RMND5A: variants seen among roughly 807,000 people sequenced by gnomAD.
RMND5A encodes required for meiotic nuclear division 5 homolog A, also known as E3 ubiquitin-protein transferase RMND5A.
Under a neutral mutation model 49.7 loss-of-function variants are expected in RMND5A, and 17 were observed. The ratio of observed to expected loss-of-function variants is 0.34; its 90% CI spans 0.23 to 0.51. RMND5A has a LOEUF of 0.51. RMND5A is among the 20% of genes least tolerant of loss of function. RMND5A has a pLI of 0.96. For synonymous variants in RMND5A, 156 were observed against 167.7 expected (o/e 0.93, Z 0.54); for missense variants, 255 against 471.3 (o/e 0.54, Z 4.25).
intron 2 of RMND5A, among the ~76,000 whole-genome samples, chr2:86,742,227 G>A (rs1246241699): frequency 1.4e-5 from 2 of 142,744 alleles, no homozygotes; most frequent in African/African-American, 2.6e-5. Context: ...CCAGAGAGTC[G>A]GAGGGTGGTT....
At chr2:86,748,026 T>G (rs1681567910) in intron 2 of RMND5A, among the ~76,000 whole-genome samples, 1 of 152,206 alleles carries the variant, frequency 6.6e-6, no homozygotes, top group African/African-American at 2.4e-5. Flanking sequence ...CCAAAGCTTT[T>G]CTTTGCTTAA....
At chr2:86,752,179 G>T in intron 3 of RMND5A, 149 bp downstream of exon 3, 1 of 698,916 alleles carries the variant, frequency 1.4e-6, no homozygotes, top group Non-Finnish European at 2.2e-6. Context: ...CATTTTACTA[G>T]GAGTATTTTG....
intron 4 of RMND5A, among the ~76,000 whole-genome samples, chr2:86,762,737 A>G (rs1672524893): frequency 8.5e-6 from 1 of 118,130 alleles, no homozygotes; most frequent in Middle Eastern, 5.3e-3. Flanking sequence ...CATATATATC[A>G]TATATATATA....
rs1222978555 is a variant in RMND5A at position 86,774,175 on chromosome 2, A to T, written c.*764A>T. 2 of 152,668 alleles carry T rather than the reference A, an allele frequency of 1.3e-5. No individual in the cohort carries two copies. The highest frequency in any genetic ancestry group is 4.8e-5 in the African/African-American group (2 of 41,466). The allele number at this position is 152,668 out of a possible 1,614,324, so 9.5% of individuals were successfully genotyped here. A position where few individuals can be genotyped will look rare whatever the true frequency, so the allele number is the denominator to read the frequency against. ...GCCAAGAGGTGCTTGTTTTAAAAGT[A>T]TGTTTAATAAAATGAAATTCTAAAG... On this transcript the variant is annotated 3_prime_UTR_variant, in exon 9 of 9. Coordinates refer to ENST00000283632, the MANE Select transcript of RMND5A (RefSeq NM_022780.4).
chr2:86,744,970 A>G (rs1190815210), intron 2 of RMND5A, among the ~76,000 whole-genome samples: 1 of 130,970 alleles, frequency 7.6e-6, no homozygotes, highest in Non-Finnish European at 1.7e-5. Context: ...TGCCTGGCCC[A>G]TTATTTATTT....
At chr2:86,766,647 A>G (rs6706606) in intron 6 of RMND5A, among the ~76,000 whole-genome samples, 100,037 of 142,516 alleles carry the variant, frequency 0.7, 35,287 homozygotes, top group East Asian at 0.91. Flanking sequence ...CCGTGCAACA[A>G]TGCGAGACTG....
At chr2:86,729,048 C>T (rs1386479871) in intron 1 of RMND5A, among the ~76,000 whole-genome samples, 10 of 152,128 alleles carry the variant, frequency 6.6e-5, no homozygotes, top group Non-Finnish European at 1.0e-4. Context: ...GCCACCACGC[C>T]GGGCCCAAGC....
At chr2:86,738,510 T>C in intron 1 of RMND5A, among the ~76,000 whole-genome samples, 1 of 46,764 alleles carries the variant, frequency 2.1e-5, no homozygotes, top group Non-Finnish European at 4.2e-5. Flanking sequence ...GCCACTGCAC[T>C]CCAGTGTGGG....
exon 9 of RMND5A, chr2:86,778,038 AGT>A (rs1272394152): frequency 2.6e-5 from 4 of 152,336 alleles, no homozygotes; most frequent in South Asian, 4.1e-4. Context: ...ACATTTAAAA[AGT>A]GTTTTGTGGA....
Position 86,771,539 on chromosome 2 carries a change from T to C in RMND5A, c.958-19T>C. ...AAATATGACTTCAGCTTTTTTACTTTTTTTTTTTTTTTTAACAGATTGAAG... is the reference window on the plus strand; with the variant it reads ...AAATATGACTTCAGCTTTTTTACTTCTTTTTTTTTTTTTAACAGATTGAAG... On this transcript the variant is annotated intron_variant, in intron 7 of 8. Transcript: ENST00000283632. The C allele has an allele frequency of 8.4e-7, 1 of 1,190,926 alleles. No homozygotes were observed. The highest frequency in any genetic ancestry group is 1.1e-6 in the Non-Finnish European group (1 of 884,396). 73.8% of individuals were successfully genotyped at this position (1,190,926 alleles called of 1,614,324 possible). A position where few individuals can be genotyped will look rare whatever the true frequency, so the allele number is the denominator to read the frequency against.
At position 86,774,602 on chromosome 2, in the gene RMND5A, T is replaced by C. The variant is rs997632041; in HGVS notation, c.*1191T>C. ...AAAAATAGCCATGTGTAAGAGTCTTTCTGTATGACGAACTACATGGAAAAG... is the reference window on the plus strand; with the variant it reads ...AAAAATAGCCATGTGTAAGAGTCTTCCTGTATGACGAACTACATGGAAAAG... On this transcript the variant is annotated 3_prime_UTR_variant, in exon 9 of 9. Transcript: ENST00000283632. 3.3e-5 allele frequency: 5 copies of C among 152,680 alleles called. No homozygotes were observed. The highest frequency in any genetic ancestry group is 1.2e-4 in the African/African-American group (5 of 41,456). The allele number at this position is 152,680 out of a possible 1,614,324, so 9.5% of individuals were successfully genotyped here.
At chr2:86,749,538 C>T (rs11889231) in intron 2 of RMND5A, among the ~76,000 whole-genome samples, 100,774 of 151,680 alleles carry the variant, frequency 0.66, 33,667 homozygotes, top group East Asian at 0.91. Flanking sequence ...TCACAGGCAC[C>T]CACCACCACG....
chr2:86,762,700 C>CATATATATATATATCAT (rs1380564565), intron 4 of RMND5A, among the ~76,000 whole-genome samples: 1 of 5,498 alleles, frequency 1.8e-4, no homozygotes, highest in African/African-American at 6.0e-4. Context: ...TCATATATAT[C>CATATATATATATATCAT]ATATATATCA....
At position 86,776,792 on chromosome 2, in the gene RMND5A, G is replaced by A. The variant is rs1336611665; in HGVS notation, c.*3381G>A. ...GTTTGGTTAGTTTCATCACTAGGAT[G>A]TATAAGGTGACGACACAAACCAAAT... is the stretch of plus-strand genomic sequence containing the variant. On this transcript the variant is annotated 3_prime_UTR_variant, in exon 9 of 9. Coordinates refer to ENST00000283632, the MANE Select transcript of RMND5A (RefSeq NM_022780.4). The A allele has an allele frequency of 6.6e-6, 1 of 152,206 alleles. No individual in the cohort carries two copies. Among genetic ancestry groups the A allele is most frequent in the Non-Finnish European group, 1.5e-5 (1 of 68,038 alleles). 9.4% of individuals were successfully genotyped at this position (152,206 alleles called of 1,614,324 possible).
At chr2:86,744,961 G>C (rs1258751339) in intron 2 of RMND5A, among the ~76,000 whole-genome samples, 3 of 151,534 alleles carry the variant, frequency 2.0e-5, no homozygotes, top group Non-Finnish European at 2.9e-5. Context: ...GAGCCACTGT[G>C]CCTGGCCCAT....
chr2:86,723,891 C>T (rs2104381960), intron 1 of RMND5A, among the ~76,000 whole-genome samples: 1 of 150,656 alleles, frequency 6.6e-6, no homozygotes, highest in Non-Finnish European at 1.5e-5. Flanking sequence ...TGGTCTAAAT[C>T]ACCTTTAAGT....
rs1384541077 is a variant in RMND5A at position 86,771,079 on chromosome 2, G to T, written c.958-479G>T. Among the ~76,000 whole-genome samples the T allele has an allele frequency of 2.6e-5, 4 of 152,168 alleles. No homozygotes were observed. In the East Asian group the frequency reaches 7.7e-4, roughly 29 times the overall value. On this transcript the variant is annotated intron_variant, in intron 7 of 8. Transcript: ENST00000283632. The stretch of plus-strand genomic sequence containing the variant: ...AGATCTTTTCTGATTAAAGGCACAG[G>T]TGCAGTCCTGGTCCTGAGTGTGGTC...
In RMND5A at chr2:86,720,763, C is replaced by T. The variant is rs1396945862; in HGVS notation, c.96C>T (p.Leu32=). 1.3e-6 allele frequency: 2 copies of T among 1,595,904 alleles called. 1 individual carries two copies. Among genetic ancestry groups the T allele is most frequent in the Admixed American group, 3.4e-5 (2 of 58,524 alleles). The stretch of plus-strand genomic sequence containing the variant: ...TGTGCGAGCGCGGCCTGGAGGAGCT[C>T]ATCGACTACACCGGCGGCCTCAAGC... ...GQLCERGLEE[L]IDYTGGLKHE... is the part of the protein sequence containing the mutation. Residue 32 remains leucine, a synonymous_variant, in exon 1 of 9, where the codon CTC becomes CTT. Coordinates refer to ENST00000283632, the MANE Select transcript of RMND5A (RefSeq NM_022780.4).
rs1672687301 is a variant in RMND5A at position 86,771,637 on chromosome 2, A to G, written c.1037A>G (p.Asn346Ser). The G allele has an allele frequency of 6.2e-7, 1 of 1,613,724 alleles. No individual in the cohort carries two copies. The highest frequency in any genetic ancestry group is 1.7e-5 in the Admixed American group (1 of 59,998). The change falls in exon 8 of 9, where the codon AAC becomes AGC. Residue 346 changes from asparagine (N) to serine (S), a missense_variant. Asn to Ser is a conservative substitution (Grantham distance 46, BLOSUM62 1). Coordinates refer to ENST00000283632, the MANE Select transcript of RMND5A (RefSeq NM_022780.4). ...CPILRQQTTD[N>S]NPPMKLVCGH... ...ATTCTTCGTCAGCAAACAACAGATA[A>G]CAATCCACCCATGAAATTGGTCTGT... is the stretch of plus-strand genomic sequence containing the variant.
Sources: allele counts gnomAD v4.1 joint callset (sites outside exome capture counted in the v4.1 genomes callset), GRCh38; gene constraint gnomAD v4.1.1; transcripts MANE v1.5; gene names NCBI Gene and HGNC (gene_info 2026-07-23, HGNC 2026-07-21).